The following NDUFS2 variants were observed in gnomAD, a reference collection of about 807,000 sequenced individuals.
NDUFS2 encodes the protein NADH:ubiquinone oxidoreductase core subunit S2.
A neutral mutation model predicts 69.6 loss-of-function variants in NDUFS2; 38 were observed. The ratio of observed to expected loss-of-function variants is 0.55; its 90% CI spans 0.42 to 0.72. The LOEUF (loss-of-function observed/expected upper bound fraction) is 0.72. NDUFS2 is among the 30% of genes least tolerant of loss of function. The probability of loss-of-function intolerance (pLI) is 0.00; values close to 1 mark genes in which losing one functional copy is unlikely to be tolerated. For missense variants in NDUFS2, 468 were observed against 595.0 expected (o/e 0.79, Z 2.22); for synonymous variants, 194 against 211.2 (o/e 0.92, Z 0.70).
intron 5 of NDUFS2, 87 bp from the exon 6 acceptor site, chr1:161,209,770 A>G: frequency 6.8e-7 from 1 of 1,469,400 alleles, no homozygotes; most frequent in East Asian, 2.3e-5. Flanking sequence ...TTGGTTGGGC[A>G]CAAGAAGGCA....
At chr1:161,204,136 T>A (rs1014033853) in intron 2 of NDUFS2, among the ~76,000 whole-genome samples, 14 of 152,248 alleles carry the variant, frequency 9.2e-5, no homozygotes, top group African/African-American at 3.4e-4. Flanking sequence ...ATGTTCAATA[T>A]ATTTCAGGTT....
intron 3 of NDUFS2, 34 bp from the exon 4 acceptor site, chr1:161,209,157 CTG>C: frequency 2.5e-6 from 4 of 1,614,174 alleles, no homozygotes; most frequent in Non-Finnish European, 3.4e-6. Context: ...GCTCCTGAGC[CTG>C]TTAGATGTGA....
intron 9 of NDUFS2, 131 bp from the exon 10 acceptor site, chr1:161,212,220 A>G: frequency 8.6e-7 from 1 of 1,167,732 alleles, no homozygotes; most frequent in Non-Finnish European, 1.2e-6. Flanking sequence ...AGCCAAGCAG[A>G]GATGCTGTAC....
Position 161,212,449 on chromosome 1 carries a change from A to C in NDUFS2, c.1085A>C (p.Lys362Thr), listed in dbSNP as rs1467384916. The change falls in exon 10 of 14, where the codon AAA (lysine) becomes ACA (threonine). Residue 362 changes from lysine (K) to threonine (T), a missense_variant. Coordinates refer to ENST00000676972, the MANE Select transcript of NDUFS2 (RefSeq NM_001377299.1). ...PPGEIKVDDA[K>T]VSPPKRAEMK... ...GGGGAGATCAAGGTTGATGATGCCAAAGTGTCTCCACCTAAGCGAGCAGAG... is the reference window on the plus strand; with the variant it reads ...GGGGAGATCAAGGTTGATGATGCCACAGTGTCTCCACCTAAGCGAGCAGAG... The C allele has an allele frequency of 1.2e-6, 2 of 1,613,740 alleles. No homozygotes were observed. The highest frequency in any genetic ancestry group is 2.2e-5 in the South Asian group (2 of 91,074).
Position 161,213,417 on chromosome 1 carries a change from A to G in NDUFS2, c.1154A>G (p.Tyr385Cys), listed in dbSNP as rs1218874975. The G allele has an allele frequency of 6.2e-6, 10 of 1,611,160 alleles. No individual in the cohort carries two copies. Among genetic ancestry groups the G allele is most frequent in the Non-Finnish European group, 8.5e-6 (10 of 1,178,424 alleles). The change falls in exon 11 of 14, where the codon TAT becomes TGT. Residue 385 changes from tyrosine (Y) to cysteine (C), a missense_variant. Physicochemically the swap from Tyr to Cys is radical, Grantham distance 194 (BLOSUM62 -2). This residue lies in a region of NDUFS2 where 72 missense variants were observed against 118.9 expected (regional missense o/e 0.61). Transcript: ENST00000676972. ...MESLIHHFKL[Y>C]TEGYQVPPGA... is the part of the protein sequence containing the mutation. ...TCACTGATTCATCACTTTAAGTTGT[A>G]TACTGAGGGCTACCAAGTTCCTCCA...
At chr1:161,198,427 G>C (rs912412311), upstream of NDUFS2, 13 of 1,594,626 alleles carry the variant, frequency 8.2e-6, no homozygotes. The surrounding 1 kb of genome is among the most constrained non-coding windows in gnomAD (Gnocchi z 4.7). Flanking sequence ...CGCTGCCGTT[G>C]AGCTTCTCTG....
intron 9 of NDUFS2, among the ~76,000 whole-genome samples, chr1:161,211,045 A>G (rs977028559): frequency 2.0e-5 from 3 of 151,784 alleles, no homozygotes; most frequent in African/African-American, 7.3e-5. Flanking sequence ...CAGCTAATTT[A>G]TGTATTTTTA....
intron 2 of NDUFS2, among the ~76,000 whole-genome samples, chr1:161,205,245 G>GT (rs1665397013): frequency 6.6e-6 from 1 of 152,062 alleles, no homozygotes; most frequent in African/African-American, 2.4e-5. Flanking sequence ...CCTGGCACAT[G>GT]TAAGTCCCCT....
chr1:161,207,834 A>G (rs910592098), intron 3 of NDUFS2, among the ~76,000 whole-genome samples: 1 of 148,758 alleles, frequency 6.7e-6, no homozygotes, highest in African/African-American at 2.5e-5. Context: ...TTTTTTCCCT[A>G]CGGAGTCTCG....
Position 161,206,515 on chromosome 1 carries a change from A to G in NDUFS2, c.311A>G (p.Glu104Gly), listed in dbSNP as rs1187654645. 1.9e-6 allele frequency: 3 copies of G among 1,614,114 alleles called. No homozygotes were observed. Among genetic ancestry groups the G allele is most frequent in the Non-Finnish European group, 2.5e-6 (3 of 1,180,050 alleles). Reference protein sequence around the residue: ...VLRLVMELSGEMVRKCDPHIG... With the variant: ...VLRLVMELSGGMVRKCDPHIG... ...CGACTAGTGATGGAATTGAGTGGGG[A>G]GATGGTGCGGAAGTGTGATCCTCAC... Residue 104 changes from glutamate to glycine, a missense_variant, in exon 3 of 14, where the codon GAG becomes GGG. Around this residue, in one of 3 missense-constraint regions of NDUFS2, gnomAD observed 339 missense variants for 433.8 expected, o/e 0.78. Transcript: ENST00000676972.
At chr1:161,209,711 A>G in intron 5 of NDUFS2, 116 bp downstream of exon 5, 1 of 1,235,044 alleles carries the variant, frequency 8.1e-7, no homozygotes, top group Non-Finnish European at 1.2e-6. Flanking sequence ...TTAGAGGGGG[A>G]AGGTATGTTT....
In NDUFS2 at chr1:161,209,190, C is replaced by T; in HGVS notation, c.394-3C>T. On this transcript the variant is annotated splice_polypyrimidine_tract_variant and splice_region_variant and intron_variant, in intron 3 of 13. Transcript: ENST00000676972. ...TGTGACCCACATTCCTCCCTCTTCC[C>T]AGGCCCTTCCATACTTTGACCGGCT... The T allele has an allele frequency of 6.2e-7, 1 of 1,614,184 alleles. No homozygotes were observed. Among genetic ancestry groups the T allele is most frequent in the East Asian group, 2.2e-5 (1 of 44,874 alleles).
chr1:161,206,357 G>GATA, intron 2 of NDUFS2, 50 bp from the exon 3 acceptor site: 1 of 1,593,088 alleles, frequency 6.3e-7, no homozygotes, highest in Non-Finnish European at 8.6e-7. Context: ...ATCTTTTGGG[G>GATA]GATCCCAAGG....
intron 3 of NDUFS2, among the ~76,000 whole-genome samples, chr1:161,207,177 T>C (rs1359839879): frequency 1.3e-5 from 2 of 152,184 alleles, no homozygotes; most frequent in Admixed American, 6.5e-5. Context: ...AACAGGATGG[T>C]AGGATTAGGA....
Position 161,210,146 on chromosome 1 carries a change from G to A in NDUFS2, c.738G>A (p.Gln246=), listed in dbSNP as rs1413560221. Residue 246 remains glutamine, a synonymous_variant, in exon 7 of 14, where the codon CAG becomes CAA. Transcript: ENST00000676972. ...TTGGGCTTATGGATGACATTTATCA[G>A]TTTTCTAAGAACTTCTCTCTTCGGC... The part of the protein sequence containing the change: ...LPLGLMDDIY[Q]FSKNFSLRLD... 3.1e-6 allele frequency: 5 copies of A among 1,614,144 alleles called. No homozygotes were observed. The South Asian group carries it at 4.4e-5, about 14-fold the overall frequency.
At chr1:161,207,976 ATTTTTTTTTTTT>A (rs965466967) in intron 3 of NDUFS2, among the ~76,000 whole-genome samples, 11 of 88,780 alleles carry the variant, frequency 1.2e-4, no homozygotes, top group Admixed American at 8.5e-4. Flanking sequence ...TGCCTGGCTA[ATTTTTTTTTTTT>A]TTTTTTTTTT....
intron 9 of NDUFS2, among the ~76,000 whole-genome samples, chr1:161,211,134 A>C (rs1665749756): frequency 6.6e-6 from 1 of 152,130 alleles, no homozygotes; most frequent in African/African-American, 2.4e-5. Context: ...CTCGGCCTCC[A>C]AAATTGTTGG....
chr1:161,210,267 G>T (rs759529259), intron 7 of NDUFS2, 37 bp from the exon 8 acceptor site: 1 of 1,609,412 alleles, frequency 6.2e-7, no homozygotes, highest in Non-Finnish European at 8.5e-7. Flanking sequence ...AAGAGTGTGA[G>T]GAAGAGTATT....
At chr1:161,210,048 C>T in intron 6 of NDUFS2, 63 bp from the exon 7 acceptor site, 1 of 1,590,030 alleles carries the variant, frequency 6.3e-7, no homozygotes, top group Non-Finnish European at 8.6e-7. Flanking sequence ...GGAGGGGGTG[C>T]TGAGAGGGCT....
Sources: allele counts gnomAD v4.1 joint callset (sites outside exome capture counted in the v4.1 genomes callset), GRCh38; gene constraint gnomAD v4.1.1; regional missense constraint gnomAD v4.1.1; non-coding constraint Gnocchi (gnomAD v3.1); transcripts MANE v1.5; gene names NCBI Gene and HGNC (gene_info 2026-07-23, HGNC 2026-07-21).